HIF1A: variants seen among roughly 807,000 people sequenced by gnomAD.
HIF1A encodes hypoxia-inducible factor 1-alpha.
Under a neutral mutation model 92.7 loss-of-function variants are expected in HIF1A, and 24 were observed. The observed-to-expected ratio is 0.26, with a 90% CI of 0.19 to 0.36. The LOEUF is 0.36. HIF1A is among the 10% of genes least tolerant of loss of function. HIF1A has a pLI of 1.00. For missense variants in HIF1A, 799 were observed against 998.5 expected, an observed-to-expected ratio of 0.80 and a Z score of 2.69; for synonymous variants, 319 against 338.7, an observed-to-expected ratio of 0.94 and a Z score of 0.64.
At chr14:61,702,161 C>T (rs905043526) in intron 1 of HIF1A, among the ~76,000 whole-genome samples, 3 of 151,442 alleles carry the variant, frequency 2.0e-5, no homozygotes, top group Non-Finnish European at 4.4e-5. Context: ...GGCACGGTGG[C>T]TCCTGCCTGT....
At chr14:61,724,349 T>TTCTCTCATTC (rs2044472677) in intron 4 of HIF1A, among the ~76,000 whole-genome samples, 1 of 96,096 alleles carries the variant, frequency 1.0e-5, no homozygotes, top group African/African-American at 3.4e-5. Context: ...CACACACACA[T>TTCTCTCATTC]TCTCTCTCTC....
At chr14:61,735,385 T>G (rs1356052075) in intron 8 of HIF1A, among the ~76,000 whole-genome samples, 1 of 152,234 alleles carries the variant, frequency 6.6e-6, no homozygotes, top group Non-Finnish European at 1.5e-5. Context: ...AGTTCTTTTG[T>G]GACTTTACCA....
intron 4 of HIF1A, among the ~76,000 whole-genome samples, chr14:61,724,783 C>T (rs1183500640): frequency 2.0e-5 from 3 of 152,150 alleles, no homozygotes; most frequent in Non-Finnish European, 4.4e-5. Context: ...CCCTCATACT[C>T]TACTGGCTCA....
In HIF1A at chr14:61,721,665, C is replaced by T. The variant is rs1445172549; in HGVS notation, c.372+11C>T. On this transcript the variant is annotated intron_variant, in intron 3 of 14. Coordinates refer to ENST00000337138, the MANE Select transcript of HIF1A (RefSeq NM_001530.4). ...ATGGGATTAACTCAGGTAAAATGCA[C>T]ACATATTAAGAGCTCTTCTATATGT... The T allele has an allele frequency of 6.2e-7, 1 of 1,610,766 alleles. No individual in the cohort carries two copies. Among genetic ancestry groups the T allele is most frequent in the Admixed American group, 1.7e-5 (1 of 60,000 alleles).
At chr14:61,728,840 C>G (rs144348150) in intron 6 of HIF1A, among the ~76,000 whole-genome samples, 1 of 152,094 alleles carries the variant, frequency 6.6e-6, no homozygotes, top group Non-Finnish European at 1.5e-5. Context: ...ATGTGAAAAT[C>G]AGATCATGTC....
rs938038646 is a variant in HIF1A at position 61,747,337 on chromosome 14, T to C, written c.*252T>C. 3.5e-6 allele frequency: 1 copy of C among 288,866 alleles called. No individual in the cohort carries two copies. The highest frequency in any genetic ancestry group is 5.1e-5 in the Admixed American group (1 of 19,716). 17.9% of individuals were successfully genotyped at this position (288,866 alleles called of 1,614,324 possible). A position where few individuals can be genotyped will look rare whatever the true frequency, so the allele number is the denominator to read the frequency against. ...AAACCATTGCATTGCAGTAGCATCA[T>C]TTTAAAAAATGCACCTTTTTATTTA... On this transcript the variant is annotated 3_prime_UTR_variant, in exon 15 of 15. Transcript: ENST00000337138.
intron 1 of HIF1A, among the ~76,000 whole-genome samples, chr14:61,709,176 C>T (rs560600559): frequency 3.3e-5 from 5 of 152,238 alleles, no homozygotes; most frequent in African/African-American, 7.2e-5. Context: ...GGATTACAGG[C>T]GTGAGCCACT....
At chr14:61,730,827 T>A (rs1408397074) in intron 6 of HIF1A, among the ~76,000 whole-genome samples, 1 of 152,214 alleles carries the variant, frequency 6.6e-6, no homozygotes, top group African/African-American at 2.4e-5. Flanking sequence ...AGTGAAAAAG[T>A]TTTTAATTCC....
intron 1 of HIF1A, among the ~76,000 whole-genome samples, chr14:61,714,768 C>T (rs1447500618): frequency 1.3e-5 from 2 of 152,168 alleles, no homozygotes; most frequent in East Asian, 3.9e-4. Flanking sequence ...CGCAGTGGCT[C>T]AACGCCTGTA....
At chr14:61,711,217 T>C (rs866306471) in intron 1 of HIF1A, among the ~76,000 whole-genome samples, 26 of 144,578 alleles carry the variant, frequency 1.8e-4, no homozygotes, top group South Asian at 9.1e-4. Flanking sequence ...CTTTTTTTTT[T>C]TTTTTTTTTT....
chr14:61,739,886 A>G (rs555811383), intron 10 of HIF1A, among the ~76,000 whole-genome samples: 11 of 152,184 alleles, frequency 7.2e-5, no homozygotes, highest in African/African-American at 2.7e-4. Flanking sequence ...CATCTAGTTA[A>G]TTGGTCAATT....
In HIF1A at chr14:61,709,047, G is replaced by C. The variant is rs544171619; in HGVS notation, c.36-11335G>C. 2.6e-5 allele frequency among the ~76,000 whole-genome samples: 4 copies of C among 152,246 alleles called. No individual in the cohort carries two copies. The South Asian group carries it at 8.3e-4, about 32-fold the overall frequency. ...CGAGTAGCTGGGGTTACAGGCACGTGGCAACATGCCTAGCTAATTTTGTAT... is the reference window on the plus strand; with the variant it reads ...CGAGTAGCTGGGGTTACAGGCACGTCGCAACATGCCTAGCTAATTTTGTAT... On this transcript the variant is annotated intron_variant, in intron 1 of 14. Transcript: ENST00000337138.
At chr14:61,734,317 G>T in intron 8 of HIF1A, 32 bp downstream of exon 8, 1 of 1,477,896 alleles carries the variant, frequency 6.8e-7, no homozygotes, top group Non-Finnish European at 9.3e-7. Flanking sequence ...ACATTTTTGG[G>T]GAACAAATAG....
chr14:61,708,718 A>G (rs535863231), intron 1 of HIF1A, among the ~76,000 whole-genome samples: 93 of 152,244 alleles, frequency 6.1e-4, no homozygotes, highest in African/African-American at 2.2e-3. Flanking sequence ...CTTGTAGTAT[A>G]GTTTGAAGTC....
At chr14:61,725,851 G>A (rs1182465329) in intron 4 of HIF1A, among the ~76,000 whole-genome samples, 2 of 146,046 alleles carry the variant, frequency 1.4e-5, no homozygotes, top group Non-Finnish European at 3.0e-5. Flanking sequence ...ATGGATTCTC[G>A]CTCTATATCC....
At chr14:61,743,114 G>C (rs1447509924) in intron 12 of HIF1A, among the ~76,000 whole-genome samples, 1 of 152,106 alleles carries the variant, frequency 6.6e-6, no homozygotes, top group Non-Finnish European at 1.5e-5. Context: ...GCCCAGGCTG[G>C]AGTGCAATGG....
intron 2 of HIF1A, among the ~76,000 whole-genome samples, chr14:61,721,163 C>G (rs1208172859): frequency 1.3e-5 from 2 of 152,094 alleles, no homozygotes; most frequent in Non-Finnish European, 2.9e-5. Flanking sequence ...ATTGCTTAAA[C>G]TCAGAGGGCG....
intron 1 of HIF1A, among the ~76,000 whole-genome samples, chr14:61,717,436 T>C (rs1384769618): frequency 1.3e-5 from 2 of 152,246 alleles, no homozygotes; most frequent in African/African-American, 4.8e-5. Context: ...TCTAGACTCA[T>C]TGTGTGATAA....
chr14:61,721,700 T>G, intron 3 of HIF1A, 39 bp from the exon 4 acceptor site: 1 of 1,610,652 alleles, frequency 6.2e-7, no homozygotes, highest in African/African-American at 1.3e-5. Context: ...TTTTTATGAT[T>G]TTATGATCTA....
Sources: allele counts gnomAD v4.1 joint callset (sites outside exome capture counted in the v4.1 genomes callset), GRCh38; gene constraint gnomAD v4.1.1; transcripts MANE v1.5; gene names NCBI Gene and HGNC (gene_info 2026-07-23, HGNC 2026-07-21).